Variants in COG2 observed in about 807,000 individuals in gnomAD.
The protein encoded by COG2 is conserved oligomeric Golgi complex subunit 2.
In COG2, 52 loss-of-function variants were observed where a neutral mutation model predicts 90.6. That is an observed-to-expected ratio of 0.57 (90% CI 0.46 to 0.72). The LOEUF is 0.72. COG2 is among the 30% of genes least tolerant of loss of function. The pLI, the probability that COG2 is intolerant of heterozygous loss-of-function variation, is 0.00. For missense variants in COG2, 829 were observed against 891.2 expected, an observed-to-expected ratio of 0.93 and a Z score of 0.89; for synonymous variants, 337 against 320.4, an observed-to-expected ratio of 1.05 and a Z score of -0.55.
chr1:230,655,756 A>C (rs1378585054), intron 1 of COG2, among the ~76,000 whole-genome samples: 4 of 152,180 alleles, frequency 2.6e-5, no homozygotes, highest in Non-Finnish European at 1.5e-5. Context: ...TAGGCTATTA[A>C]TTGCTGCCTC....
chr1:230,669,731 C>T (rs542697285), intron 7 of COG2, 196 bp downstream of exon 7: 8 of 466,458 alleles, frequency 1.7e-5, no homozygotes, highest in South Asian at 1.7e-4. Context: ...AGGAATTGGG[C>T]GTGCCGTCTC....
chr1:230,677,445 A>G (rs1173002290), intron 9 of COG2, among the ~76,000 whole-genome samples: 2 of 152,192 alleles, frequency 1.3e-5, no homozygotes, highest in Non-Finnish European at 2.9e-5. Context: ...AATGCAACTT[A>G]CCTTATCTGT....
rs75945857 is a variant in COG2, at chr1:230,664,384, G to A, written c.382-100G>A. The A allele has an allele frequency of 3.4e-3, 1,543 of 453,960 alleles. 19 individuals are homozygous for A. Among genetic ancestry groups the A allele is most frequent in the African/African-American group, 0.028 (1,359 of 49,070 alleles). 28.1% of individuals were successfully genotyped at this position (453,960 alleles called of 1,614,324 possible). The stretch of plus-strand genomic sequence containing the variant: ...TATAGAATGCTATAGGTAATTTTAC[G>A]TTGACTTTTGACTTTGTATTTTCCT... On this transcript the variant is annotated intron_variant, in intron 4 of 17. Coordinates refer to ENST00000366669, the MANE Select transcript of COG2 (RefSeq NM_007357.3).
At chr1:230,678,602 A>G (rs1476397483) in intron 9 of COG2, 2 of 1,286,226 alleles carry the variant, frequency 1.6e-6, no homozygotes, top group African/African-American at 3.1e-5. Context: ...GTCAATTCTA[A>G]TTCCAGTGGG....
chr1:230,686,794 C>A (rs1662894015), intron 12 of COG2, 141 bp from the exon 13 acceptor site: 1 of 464,100 alleles, frequency 2.2e-6, no homozygotes, highest in African/African-American at 2.0e-5. Flanking sequence ...ATATTGTATA[C>A]TTTTATTAGT....
At chr1:230,666,417 C>G (rs1662324574) in intron 5 of COG2, among the ~76,000 whole-genome samples, 1 of 152,130 alleles carries the variant, frequency 6.6e-6, no homozygotes, top group South Asian at 2.1e-4. Flanking sequence ...CTCCCATTGC[C>G]TCGTTTCAGG....
In COG2 at chr1:230,642,497, A is replaced by G; in HGVS notation, c.-110A>G. The G allele has an allele frequency of 4.1e-6, 4 of 980,552 alleles. No homozygotes were observed. Among genetic ancestry groups the G allele is most frequent in the Non-Finnish European group, 5.9e-6 (4 of 674,566 alleles). 60.7% of individuals were successfully genotyped at this position (980,552 alleles called of 1,614,324 possible). A position where few individuals can be genotyped will look rare whatever the true frequency, so the allele number is the denominator to read the frequency against. On this transcript the variant is annotated 5_prime_UTR_variant, in exon 1 of 18. Coordinates refer to ENST00000366669, the MANE Select transcript of COG2 (RefSeq NM_007357.3). The stretch of plus-strand genomic sequence containing the variant: ...GGCGCTGCCATGTTGGCGGAAGCGG[A>G]CCCCCCTGTGCCGTGGAAACTGGCG...
chr1:230,689,711 C>T (rs766550734), intron 15 of COG2, among the ~76,000 whole-genome samples: 3 of 152,206 alleles, frequency 2.0e-5, no homozygotes, highest in Admixed American at 1.3e-4. Flanking sequence ...TTGGTGTGGA[C>T]GTGAGGCCAC....
intron 1 of COG2, among the ~76,000 whole-genome samples, chr1:230,656,312 G>A (rs565229976): frequency 1.1e-4 from 17 of 152,096 alleles, no homozygotes; most frequent in Admixed American, 2.0e-4. Context: ...TTGTGTCTTC[G>A]TTCTCATTGG....
intron 8 of COG2, among the ~76,000 whole-genome samples, chr1:230,674,112 A>G (rs1998907): frequency 0.49 from 74,680 of 152,008 alleles, 19,055 homozygotes; most frequent in East Asian, 0.76. Context: ...ATGTTTATGG[A>G]TCTTTGAGTT....
At position 230,693,495 on chromosome 1, in the gene COG2, A is replaced by C. The variant is rs1252071040; in HGVS notation, c.*102A>C. ...CTCTGTTCTCTTAGCAACCGTCTGTAGCAAAGAAGTGCTTCCAGCATCACT... is the reference window on the plus strand; with the variant it reads ...CTCTGTTCTCTTAGCAACCGTCTGTCGCAAAGAAGTGCTTCCAGCATCACT... On this transcript the variant is annotated 3_prime_UTR_variant, in exon 18 of 18. Coordinates refer to ENST00000366669, the MANE Select transcript of COG2 (RefSeq NM_007357.3). 1 of 685,220 alleles carries C rather than the reference A, an allele frequency of 1.5e-6. No homozygotes were observed. The highest frequency in any genetic ancestry group is 2.5e-6 in the Non-Finnish European group (1 of 398,802). 42.4% of individuals were successfully genotyped at this position (685,220 alleles called of 1,614,324 possible).
intron 1 of COG2, among the ~76,000 whole-genome samples, chr1:230,646,767 C>T (rs1661796604): frequency 6.6e-6 from 1 of 152,086 alleles, no homozygotes; most frequent in African/African-American, 2.4e-5. Context: ...TAATACTAGA[C>T]CTGAGGTAAT....
rs1162155300 is a variant in COG2, at chr1:230,693,428, C to A, written c.*35C>A. 2 of 1,384,776 alleles carry A rather than the reference C, an allele frequency of 1.4e-6. No homozygotes were observed. The highest frequency in any genetic ancestry group is 2.0e-6 in the Non-Finnish European group (2 of 983,606). 85.8% of individuals were successfully genotyped at this position (1,384,776 alleles called of 1,614,324 possible). A position where few individuals can be genotyped will look rare whatever the true frequency, so the allele number is the denominator to read the frequency against. On this transcript the variant is annotated 3_prime_UTR_variant, in exon 18 of 18. Coordinates refer to ENST00000366669, the MANE Select transcript of COG2 (RefSeq NM_007357.3). ...AAGATCCCGAGGTTAGATTCTTAAG[C>A]AAGAGAAGAGTTGGACTTCCAGGCT...
intron 15 of COG2, among the ~76,000 whole-genome samples, chr1:230,689,018 GA>G (rs561247905): frequency 2.6e-5 from 4 of 151,518 alleles, no homozygotes; most frequent in Admixed American, 1.3e-4. Flanking sequence ...TATTTAGGGG[GA>G]AAAAAAACTA....
At chr1:230,679,082 G>T (rs74142999) in intron 10 of COG2, 30 bp downstream of exon 10, 2 of 1,588,248 alleles carry the variant, frequency 1.3e-6, no homozygotes, top group Non-Finnish European at 1.7e-6. Context: ...CCCCCGCCCC[G>T]CACCCTTCTA....
chr1:230,643,713 T>C (rs1661685657), intron 1 of COG2, among the ~76,000 whole-genome samples: 2 of 152,194 alleles, frequency 1.3e-5, no homozygotes, highest in Admixed American at 1.3e-4. Context: ...TTTTCGTATG[T>C]AGGACTTATC....
chr1:230,691,663 C>A, intron 17 of COG2, 99 bp downstream of exon 17: 2 of 1,146,538 alleles, frequency 1.7e-6, no homozygotes, highest in Non-Finnish European at 2.5e-6. Flanking sequence ...GATGCTGTCG[C>A]AGTGGCTAGG....
chr1:230,642,779 C>A, intron 1 of COG2, 101 bp downstream of exon 1: 1 of 1,176,544 alleles, frequency 8.5e-7, no homozygotes, highest in Admixed American at 2.3e-5. Context: ...CCTGCGCACG[C>A]TCAGTGTCAG....
At chr1:230,692,707 G>GT (rs1663062433) in intron 17 of COG2, among the ~76,000 whole-genome samples, 1 of 149,950 alleles carries the variant, frequency 6.7e-6, no homozygotes, top group South Asian at 2.1e-4. Context: ...GACTTGGTGT[G>GT]TATCTTCCCG....
Sources: allele counts gnomAD v4.1 joint callset (sites outside exome capture counted in the v4.1 genomes callset), GRCh38; gene constraint gnomAD v4.1.1; transcripts MANE v1.5; gene names NCBI Gene and HGNC (gene_info 2026-07-23, HGNC 2026-07-21).